SLC4A4: variants seen among roughly 807,000 people sequenced by gnomAD.
The protein encoded by SLC4A4 is electrogenic sodium bicarbonate cotransporter 1.
Under a neutral mutation model 111.5 loss-of-function variants are expected in SLC4A4, and 27 were observed. The observed-to-expected ratio is 0.24, with a 90% CI of 0.18 to 0.33. SLC4A4 has a LOEUF of 0.33. Ranked by LOEUF, SLC4A4 falls within the 10% of genes least tolerant of loss-of-function variation. The pLI, the probability that SLC4A4 is intolerant of heterozygous loss-of-function variation, is 1.00. For synonymous variants in SLC4A4, 443 were observed against 463.4 expected (o/e 0.96, Z 0.57); for missense variants, 909 against 1,315.5 (o/e 0.69, Z 4.78).
intron 2 of SLC4A4, among the ~76,000 whole-genome samples, chr4:71,179,381 A>T (rs1745209482): frequency 6.6e-6 from 1 of 152,224 alleles, no homozygotes; most frequent in Admixed American, 6.5e-5. Flanking sequence ...AAGGAAATAA[A>T]GGGCATTCAA....
At chr4:71,369,053 G>A (rs915469267) in intron 6 of SLC4A4, among the ~76,000 whole-genome samples, 7 of 152,082 alleles carry the variant, frequency 4.6e-5, no homozygotes, top group South Asian at 2.1e-4. Context: ...TGCGCAGCCC[G>A]CTTGAGAACT....
At chr4:71,091,295 C>T (rs918238818) in intron 1 of SLC4A4, among the ~76,000 whole-genome samples, 11 of 147,932 alleles carry the variant, frequency 7.4e-5, no homozygotes, top group Admixed American at 6.2e-4. Context: ...CTTTGTTGCC[C>T]GGGCTGGAGT....
intron 1 of SLC4A4, among the ~76,000 whole-genome samples, chr4:71,215,724 T>G (rs1718387630): frequency 6.6e-6 from 1 of 152,142 alleles, no homozygotes; most frequent in Non-Finnish European, 1.5e-5. Context: ...AACTACTGGG[T>G]GTGTGCTGCC....
At chr4:71,557,169 A>G (rs1208965152) in intron 21 of SLC4A4, among the ~76,000 whole-genome samples, 1 of 152,048 alleles carries the variant, frequency 6.6e-6, no homozygotes, top group African/African-American at 2.4e-5. Context: ...TGTATTAGTC[A>G]AAGTATGCCA....
At chr4:71,146,246 A>T (rs1744163938) in intron 2 of SLC4A4, among the ~76,000 whole-genome samples, 1 of 152,162 alleles carries the variant, frequency 6.6e-6, no homozygotes, top group African/African-American at 2.4e-5. Context: ...GTTTCCATGT[A>T]GTTGAGCGGT....
intron 2 of SLC4A4, among the ~76,000 whole-genome samples, chr4:71,119,495 C>T (rs1743358640): frequency 6.6e-6 from 1 of 152,168 alleles, no homozygotes; most frequent in African/African-American, 2.4e-5. Context: ...GATCCTCCCA[C>T]CTCAGCCTCC....
At chr4:71,131,069 C>T (rs993203156) in intron 2 of SLC4A4, among the ~76,000 whole-genome samples, 11 of 152,132 alleles carry the variant, frequency 7.2e-5, no homozygotes, top group Non-Finnish European at 1.3e-4. Flanking sequence ...GAAAGAATGA[C>T]GAGATAATTT....
At chr4:71,255,021 C>T (rs946363636) in intron 2 of SLC4A4, among the ~76,000 whole-genome samples, 199 bp from the exon 3 acceptor site, 1 of 152,154 alleles carries the variant, frequency 6.6e-6, no homozygotes, top group Non-Finnish European at 1.5e-5. Flanking sequence ...CTCACAGAGT[C>T]CTAGTGTCAG....
rs185743771 is a variant in SLC4A4, at chr4:71,097,397, T to C, written c.-2+4605T>C. Among the ~76,000 whole-genome samples, 7 of 152,382 alleles carry C rather than the reference T, an allele frequency of 4.6e-5. No individual in the cohort carries two copies. In the East Asian group the frequency reaches 7.7e-4, roughly 17 times the overall value. The stretch of plus-strand genomic sequence containing the variant: ...TGCATAGTATTCCATGGTGTATATA[T>C]ACCACATTTTCTTTACCCATCTGTC... On this transcript the variant is annotated intron_variant, in intron 2 of 26. Transcript: ENST00000649996.
At chr4:71,349,832 A>C (rs1729656475) in intron 4 of SLC4A4, 80 bp from the exon 5 acceptor site, 1 of 1,314,914 alleles carries the variant, frequency 7.6e-7, no homozygotes, top group African/African-American at 1.4e-5. Context: ...GGAAGGGGTG[A>C]AGATGGAGGG....
chr4:71,197,013 A>AAG (rs1396265174), intron 1 of SLC4A4, among the ~76,000 whole-genome samples: 1 of 151,900 alleles, frequency 6.6e-6, no homozygotes, highest in African/African-American at 2.4e-5. Flanking sequence ...TCAGGAGTTC[A>AAG]AGACCAATCT....
In SLC4A4 at chr4:71,073,187, CTTTAAG is replaced by C. The variant is rs758918809; in HGVS notation, c.-65+10405_-65+10410del. ...ATTCTTTTAATTGCAATTTTTTTCC[CTTTAAG>C]TTTAACAACTGATAGATCATCTACA... On this transcript the variant is annotated intron_variant, in intron 1 of 26. Transcript: ENST00000649996. Among the ~76,000 whole-genome samples the C allele has an allele frequency of 2.9e-4, 44 of 151,342 alleles. No homozygotes were observed. In the East Asian group the frequency reaches 4.5e-3, roughly 15 times the overall value.
intron 2 of SLC4A4, among the ~76,000 whole-genome samples, chr4:71,109,026 G>T (rs1181473996): frequency 2.0e-5 from 3 of 151,820 alleles, no homozygotes; most frequent in Admixed American, 2.0e-4. Flanking sequence ...CTTTAAATGG[G>T]CTATATTTTC....
chr4:71,138,891 C>T (rs1321763778), intron 2 of SLC4A4, among the ~76,000 whole-genome samples: 1 of 151,914 alleles, frequency 6.6e-6, no homozygotes, highest in Admixed American at 6.6e-5. Context: ...AAAAAATTAG[C>T]CAGGCGTGGT....
intron 3 of SLC4A4, among the ~76,000 whole-genome samples, chr4:71,255,660 G>A (rs1034887100): frequency 1.3e-5 from 2 of 152,130 alleles, no homozygotes; most frequent in African/African-American, 2.4e-5. Flanking sequence ...ATTTTTATGT[G>A]TAATAGGGTA....
At chr4:71,164,072 C>A (rs1410974768) in intron 2 of SLC4A4, among the ~76,000 whole-genome samples, 1 of 151,944 alleles carries the variant, frequency 6.6e-6, no homozygotes, top group Non-Finnish European at 1.5e-5. Context: ...ATGGCAAAAC[C>A]CCGACTCTAC....
At chr4:71,516,076 ATTTCTT>A (rs1732353267) in intron 16 of SLC4A4, among the ~76,000 whole-genome samples, 1 of 54,512 alleles carries the variant, frequency 1.8e-5, no homozygotes, top group Non-Finnish European at 3.6e-5. Context: ...GGTTTGGGGG[ATTTCTT>A]TTTTTTTTTT....
chr4:71,452,137 G>A lies in SLC4A4; in HGVS notation c.1322+836G>A, dbSNP rs560876633. The stretch of plus-strand genomic sequence containing the variant: ...ATGAAAAGGTATGTCATTATAATAT[G>A]CAATTGAATGTGAATGAAATGAAGT... On this transcript the variant is annotated intron_variant, in intron 11 of 25. Coordinates refer to ENST00000264485, the MANE Select transcript of SLC4A4 (RefSeq NM_001098484.3). 1.0e-3 allele frequency among the ~76,000 whole-genome samples: 155 copies of A among 152,014 alleles called. 2 individuals carry two copies. Among genetic ancestry groups the A allele is most frequent in the African/African-American group, 3.7e-3 (153 of 41,490 alleles).
At chr4:71,325,486 A>G (rs1398772009) in intron 3 of SLC4A4, among the ~76,000 whole-genome samples, 1 of 151,990 alleles carries the variant, frequency 6.6e-6, no homozygotes, top group Non-Finnish European at 1.5e-5. Flanking sequence ...TTAGAAACCT[A>G]CATCTGCCTT....
Sources: allele counts gnomAD v4.1 joint callset (sites outside exome capture counted in the v4.1 genomes callset), GRCh38; gene constraint gnomAD v4.1.1; transcripts MANE v1.5; gene names NCBI Gene and HGNC (gene_info 2026-07-23, HGNC 2026-07-21).